Variants in RERE observed in about 807,000 individuals in gnomAD.
RERE encodes arginine-glutamic acid dipeptide repeats protein.
Under a neutral mutation model 146.1 loss-of-function variants are expected in RERE, and 40 were observed. The observed-to-expected ratio is 0.27, with a 90% CI of 0.21 to 0.36. RERE has a LOEUF of 0.36. Among genes scored for constraint, RERE ranks in the 10% least tolerant of loss-of-function variants. The pLI is 1.00. For synonymous variants in RERE, 1,003 were observed against 866.0 expected, an observed-to-expected ratio of 1.16 and a Z score of -2.78; for missense variants, 1,933 against 2,138.7, an observed-to-expected ratio of 0.90 and a Z score of 1.90.
intron 2 of RERE, among the ~76,000 whole-genome samples, chr1:8,629,907 T>C (rs1647015040): frequency 6.6e-6 from 1 of 152,170 alleles, no homozygotes; most frequent in African/African-American, 2.4e-5. Context: ...AAAGCACGCA[T>C]GAACAAAGAC....
At chr1:8,609,541 C>T (rs1424009305) in intron 4 of RERE, among the ~76,000 whole-genome samples, 1 of 152,086 alleles carries the variant, frequency 6.6e-6, no homozygotes, top group African/African-American at 2.4e-5. Flanking sequence ...TGATCTTTAT[C>T]GATGGTTATT....
chr1:8,388,317 C>CTT (rs3996169), intron 12 of RERE, among the ~76,000 whole-genome samples: 98,847 of 146,768 alleles, frequency 0.67, 33,525 homozygotes, highest in East Asian at 0.86. Flanking sequence ...TCTGTGCAAT[C>CTT]TTTTTTTTTT....
At chr1:8,565,187 T>C (rs1199492625) in intron 4 of RERE, among the ~76,000 whole-genome samples, 1 of 152,082 alleles carries the variant, frequency 6.6e-6, no homozygotes, top group Middle Eastern at 3.2e-3. Flanking sequence ...AACAGTGTAT[T>C]GTACATTTCA....
chr1:8,630,182 T>C (rs1647018866), intron 2 of RERE, among the ~76,000 whole-genome samples: 1 of 152,256 alleles, frequency 6.6e-6, no homozygotes. Flanking sequence ...GTTATGTGTG[T>C]GTGCATGCTG....
At chr1:8,587,030 A>G (rs1015459419) in intron 4 of RERE, among the ~76,000 whole-genome samples, 2 of 152,222 alleles carry the variant, frequency 1.3e-5, no homozygotes, top group Non-Finnish European at 2.9e-5. Flanking sequence ...CTCATAATAA[A>G]TGCCACAGAC....
intron 4 of RERE, among the ~76,000 whole-genome samples, chr1:8,573,132 T>C (rs1029451730): frequency 6.6e-6 from 1 of 152,200 alleles, no homozygotes. Flanking sequence ...TTCTTATTTT[T>C]CTTTTTAAAG....
intron 8 of RERE, among the ~76,000 whole-genome samples, chr1:8,500,424 G>A (rs1325565316): frequency 6.6e-6 from 1 of 152,254 alleles, no homozygotes; most frequent in Non-Finnish European, 1.5e-5. Flanking sequence ...TGTTGGCCGG[G>A]CTGGTCTCAG....
intron 10 of RERE, among the ~76,000 whole-genome samples, chr1:8,474,923 A>G (rs534785559): frequency 3.4e-4 from 52 of 152,368 alleles, no homozygotes; most frequent in African/African-American, 1.2e-3. Flanking sequence ...GCTATGCAAA[A>G]TATCTGTTTA....
chr1:8,534,476 T>C (rs1417841083), intron 7 of RERE, among the ~76,000 whole-genome samples: 1 of 152,138 alleles, frequency 6.6e-6, no homozygotes, highest in African/African-American at 2.4e-5. Flanking sequence ...ATATATGCGA[T>C]AGATACAAAC....
rs1241303312 is a variant in RERE, at chr1:8,591,438, AAAAAG to A, written c.522+23118_522+23122del. On this transcript the variant is annotated intron_variant, in intron 4 of 22. Transcript: ENST00000400908. ...GCACTCTTTTTGCTTTAAAAAAAAAAAAAAGAAAAGAAAAGCCAATTTATGCCATT... is the reference window on the plus strand; with the variant it reads ...GCACTCTTTTTGCTTTAAAAAAAAAAAAAAGAAAAGCCAATTTATGCCATT... 2.9e-3 allele frequency among the ~76,000 whole-genome samples: 441 copies of A among 151,984 alleles called. 1 individual carries two copies. Among genetic ancestry groups the A allele is most frequent in the African/African-American group, 0.01 (427 of 41,468 alleles).
At chr1:8,547,825 C>T (rs922997068) in intron 6 of RERE, among the ~76,000 whole-genome samples, 2 of 152,204 alleles carry the variant, frequency 1.3e-5, no homozygotes, top group Admixed American at 6.5e-5. Context: ...ACCGCATAGG[C>T]ATAAACCTTT....
intron 1 of RERE, among the ~76,000 whole-genome samples, chr1:8,782,093 T>C (rs1368451763): frequency 1.3e-5 from 2 of 152,130 alleles, no homozygotes; most frequent in East Asian, 3.9e-4. Flanking sequence ...TCTCAAATTC[T>C]CCTTTCATTC....
chr1:8,747,157 A>G (rs759675480), intron 1 of RERE, among the ~76,000 whole-genome samples: 3 of 151,874 alleles, frequency 2.0e-5, no homozygotes, highest in Non-Finnish European at 2.9e-5. Flanking sequence ...GCCCACCACC[A>G]CACCCAGCTA....
At chr1:8,817,057 C>A (rs1641927162) in intron 1 of RERE, 103 bp downstream of exon 1, 1 of 152,304 alleles carries the variant, frequency 6.6e-6, no homozygotes, top group Non-Finnish European at 1.5e-5. Context: ...TCCTGCCTCC[C>A]CCCGGGCGAG....
At chr1:8,400,412 C>T (rs1016755392) in intron 12 of RERE, among the ~76,000 whole-genome samples, 9 of 151,940 alleles carry the variant, frequency 5.9e-5, no homozygotes, top group East Asian at 1.9e-4. Flanking sequence ...CCACCATGGC[C>T]GGCTAATATT....
chr1:8,707,036 C>T (rs1364791311), intron 1 of RERE, among the ~76,000 whole-genome samples: 1 of 152,178 alleles, frequency 6.6e-6, no homozygotes, highest in African/African-American at 2.4e-5. Context: ...CCTTGGTTCC[C>T]ATGTTATCTC....
At chr1:8,363,028 AG>A (rs1641651222) in intron 15 of RERE, among the ~76,000 whole-genome samples, 184 bp from the exon 16 acceptor site, 1 of 152,142 alleles carries the variant, frequency 6.6e-6, no homozygotes, top group Non-Finnish European at 1.5e-5. Flanking sequence ...TGTGGAGCTC[AG>A]GGAAGAGGTG....
intron 4 of RERE, among the ~76,000 whole-genome samples, chr1:8,612,818 A>G (rs1646808358): frequency 6.6e-6 from 1 of 152,222 alleles, no homozygotes; most frequent in Non-Finnish European, 1.5e-5. Flanking sequence ...AGGTAGTCAC[A>G]TTGGGAATCT....
At chr1:8,736,991 A>G (rs1557513007) in intron 1 of RERE, among the ~76,000 whole-genome samples, 1 of 152,190 alleles carries the variant, frequency 6.6e-6, no homozygotes, top group African/African-American at 2.4e-5. Context: ...GAAAAAAACA[A>G]ATGATTATCT....
Sources: gnomAD v4.1 joint callset for allele counts (sites outside exome capture counted in the v4.1 genomes callset) on GRCh38, gnomAD v4.1.1 for gene constraint, MANE v1.5 for transcripts, NCBI Gene and HGNC (gene_info 2026-07-23, HGNC 2026-07-21) for gene names.